ANKS1B: variants seen among roughly 807,000 people sequenced by gnomAD.
ANKS1B encodes ankyrin repeat and sterile alpha motif domain containing 1B.
In ANKS1B, 36 loss-of-function variants were observed where a neutral mutation model predicts 148.3. The ratio of observed to expected loss-of-function variants is 0.24; its 90% CI spans 0.19 to 0.32. The LOEUF is 0.32. Ranked by LOEUF, ANKS1B falls within the 10% of genes least tolerant of loss-of-function variation. The pLI is 1.00. For missense variants in ANKS1B, 1,157 were observed against 1,542.6 expected, an observed-to-expected ratio of 0.75 and a Z score of 4.19; for synonymous variants, 542 against 560.8, an observed-to-expected ratio of 0.97 and a Z score of 0.47.
At chr12:99,399,240 C>T (rs1593984286) in intron 12 of ANKS1B, among the ~76,000 whole-genome samples, 2 of 152,082 alleles carry the variant, frequency 1.3e-5, no homozygotes. Flanking sequence ...CCAGCCTAGG[C>T]CACATTGTAC....
intron 9 of ANKS1B, among the ~76,000 whole-genome samples, chr12:99,597,996 T>C (rs1486052388): frequency 6.6e-6 from 1 of 151,882 alleles, no homozygotes; most frequent in Non-Finnish European, 1.5e-5. Context: ...GAAATAGGGG[T>C]GAGAAAATGC....
At chr12:99,979,062 AAAGG>A (rs1351131757) in intron 1 of ANKS1B, among the ~76,000 whole-genome samples, 1 of 152,078 alleles carries the variant, frequency 6.6e-6, no homozygotes, top group Non-Finnish European at 1.5e-5. Context: ...TAGTTGTGCC[AAAGG>A]AAGAGAGGTT....
intron 1 of ANKS1B, among the ~76,000 whole-genome samples, chr12:99,971,545 A>T (rs115164022): frequency 0.02 from 3,045 of 152,108 alleles, 117 homozygotes; most frequent in African/African-American, 0.069. Flanking sequence ...AACATTTCAA[A>T]TGCAGATTAC....
chr12:99,149,530 G>C (rs998371718), intron 15 of ANKS1B, among the ~76,000 whole-genome samples: 3 of 152,160 alleles, frequency 2.0e-5, no homozygotes, highest in African/African-American at 7.2e-5. Flanking sequence ...AAGGGTCAAA[G>C]CATTCCAAGT....
Position 99,224,098 on chromosome 12 carries a change from T to A in ANKS1B, c.2419+20244A>T, listed in dbSNP as rs149495930. 7.8e-3 allele frequency among the ~76,000 whole-genome samples: 1,186 copies of A among 152,284 alleles called. 15 individuals are homozygous for A. Among genetic ancestry groups the A allele is most frequent in the African/African-American group, 0.026 (1,077 of 41,564 alleles). ...GGAAGAAATGCCTGTATATATTTTT[T>A]AAATTTTTTTTTTTAGGAACTTTCC... is the stretch of plus-strand genomic sequence containing the variant. On this transcript the variant is annotated intron_variant, in intron 14 of 26. Coordinates refer to ENST00000683438, the MANE Select transcript of ANKS1B (RefSeq NM_001352186.2).
At chr12:99,496,356 A>G (rs1010410125) in intron 10 of ANKS1B, among the ~76,000 whole-genome samples, 2 of 152,190 alleles carry the variant, frequency 1.3e-5, no homozygotes, top group African/African-American at 4.8e-5. Context: ...TTTTAAACAT[A>G]ATATCCATCC....
intron 15 of ANKS1B, chr12:99,096,885 T>C (rs1317303447): frequency 6.6e-6 from 1 of 152,166 alleles, no homozygotes; most frequent in Non-Finnish European, 1.5e-5. Flanking sequence ...ATGAAGTCCC[T>C]CATATTTAAT....
intron 12 of ANKS1B, among the ~76,000 whole-genome samples, chr12:99,279,677 G>A (rs2078141708): frequency 6.6e-6 from 1 of 152,128 alleles, no homozygotes; most frequent in Non-Finnish European, 1.5e-5. Context: ...AACAAATATA[G>A]GAATAAGATG....
intron 12 of ANKS1B, among the ~76,000 whole-genome samples, chr12:99,267,860 T>A (rs976805616): frequency 6.6e-6 from 1 of 152,086 alleles, no homozygotes; most frequent in African/African-American, 2.4e-5. Flanking sequence ...AGCAAAGATA[T>A]GGAGCTCGGA....
intron 17 of ANKS1B, among the ~76,000 whole-genome samples, chr12:98,843,708 G>C (rs965832908): frequency 1.3e-5 from 2 of 152,174 alleles, no homozygotes; most frequent in African/African-American, 4.8e-5. Flanking sequence ...GCCAGGGTGG[G>C]GTGGAGAAGC....
intron 17 of ANKS1B, among the ~76,000 whole-genome samples, chr12:98,999,118 A>G (rs1417131117): frequency 1.3e-5 from 2 of 152,246 alleles, no homozygotes; most frequent in Admixed American, 1.3e-4. Flanking sequence ...AGAAAAGCAC[A>G]GGCAGAGTTA....
chr12:99,121,145 T>C (rs961515342), intron 15 of ANKS1B, among the ~76,000 whole-genome samples: 11 of 152,042 alleles, frequency 7.2e-5, no homozygotes, highest in Non-Finnish European at 1.3e-4. Context: ...GGTTTTAATT[T>C]GGGGACTAGT....
chr12:99,668,428 A>T (rs538851954), intron 8 of ANKS1B, among the ~76,000 whole-genome samples: 5 of 151,176 alleles, frequency 3.3e-5, no homozygotes, highest in East Asian at 2.0e-4. Flanking sequence ...CATTTTTTTT[A>T]AATGTGGAAG....
intron 17 of ANKS1B, among the ~76,000 whole-genome samples, chr12:98,924,187 T>C (rs1358539189): frequency 6.6e-6 from 1 of 152,162 alleles, no homozygotes; most frequent in Admixed American, 6.5e-5. Context: ...TGAGATTGGG[T>C]GAAGCCCCCA....
At chr12:99,632,891 T>G in intron 9 of ANKS1B, among the ~76,000 whole-genome samples, 1 of 124,594 alleles carries the variant, frequency 8.0e-6, no homozygotes, top group South Asian at 3.0e-4. Flanking sequence ...GTATATCTCC[T>G]AATGCTATCC....
At chr12:99,009,841 C>CA (rs150905224) in intron 17 of ANKS1B, among the ~76,000 whole-genome samples, 26,613 of 133,050 alleles carry the variant, frequency 0.2, 2,518 homozygotes, top group African/African-American at 0.25. Context: ...GTCATCTATG[C>CA]AAAAAAAAAA....
intron 9 of ANKS1B, among the ~76,000 whole-genome samples, chr12:99,621,087 C>T (rs1468725643): frequency 6.6e-6 from 1 of 152,032 alleles, no homozygotes; most frequent in Non-Finnish European, 1.5e-5. Context: ...AGATACAGGC[C>T]TATTTTCAAC....
intron 8 of ANKS1B, among the ~76,000 whole-genome samples, chr12:99,718,925 AT>A (rs1413525972): frequency 2.0e-5 from 3 of 151,290 alleles, no homozygotes; most frequent in African/African-American, 4.8e-5. Flanking sequence ...TCTGTTACCA[AT>A]CTTGGCATAA....
At chr12:99,643,061 T>C (rs1157737348) in intron 9 of ANKS1B, among the ~76,000 whole-genome samples, 2 of 152,204 alleles carry the variant, frequency 1.3e-5, no homozygotes. Context: ...TTTTGTCATA[T>C]ACAGTAACAT....
Sources: allele counts gnomAD v4.1 joint callset (sites outside exome capture counted in the v4.1 genomes callset), GRCh38; gene constraint gnomAD v4.1.1; transcripts MANE v1.5; gene names NCBI Gene and HGNC (gene_info 2026-07-23, HGNC 2026-07-21).